The following LRRC4C variants were observed in gnomAD, a reference collection of about 807,000 sequenced individuals.
The protein encoded by LRRC4C is leucine-rich repeat-containing protein 4C.
A neutral mutation model predicts 33.6 loss-of-function variants in LRRC4C; 5 were observed. The ratio of observed to expected loss-of-function variants is 0.15; its 90% CI spans 0.08 to 0.31. The LOEUF is 0.31. Among genes scored for constraint, LRRC4C ranks in the 10% least tolerant of loss-of-function variants. The pLI, the probability that LRRC4C is intolerant of heterozygous loss-of-function variation, is 1.00. For missense variants in LRRC4C, 560 were observed against 796.7 expected, an observed-to-expected ratio of 0.70 and a Z score of 3.58; for synonymous variants, 329 against 302.0, an observed-to-expected ratio of 1.09 and a Z score of -0.93.
intron 2 of LRRC4C, among the ~76,000 whole-genome samples, chr11:40,660,453 G>A (rs1943376351): frequency 6.6e-6 from 1 of 152,210 alleles, no homozygotes; most frequent in Non-Finnish European, 1.5e-5. Context: ...TGTGACAAAA[G>A]TGCAGCCTTA....
rs541400332 is a variant in LRRC4C at position 40,623,956 on chromosome 11, A to T, written c.-270+24186T>A. ...AATAATTTCATGAAATAAAAAATTCATTTAATTTTATTTTCAAAAATCTGC... is the reference window on the plus strand; with the variant it reads ...AATAATTTCATGAAATAAAAAATTCTTTTAATTTTATTTTCAAAAATCTGC... On this transcript the variant is annotated intron_variant, in intron 3 of 6. Coordinates refer to ENST00000528697, the MANE Select transcript of LRRC4C (RefSeq NM_001258419.2). 1.2e-4 allele frequency among the ~76,000 whole-genome samples: 19 copies of T among 152,276 alleles called. No homozygotes were observed. In the East Asian group the frequency reaches 3.7e-3, roughly 29 times the overall value.
chr11:41,261,209 C>T (rs1050054819), intron 1 of LRRC4C, among the ~76,000 whole-genome samples: 1 of 152,078 alleles, frequency 6.6e-6, no homozygotes, highest in African/African-American at 2.4e-5. Context: ...ACTGCATTCA[C>T]CTTTTCCACC....
chr11:40,584,068 T>G (rs539882008), intron 3 of LRRC4C, among the ~76,000 whole-genome samples: 6 of 151,082 alleles, frequency 4.0e-5, no homozygotes, highest in African/African-American at 1.2e-4. Flanking sequence ...GATCACTTAT[T>G]AACACCTGCT....
At chr11:41,335,147 T>G (rs1204841407) in intron 1 of LRRC4C, among the ~76,000 whole-genome samples, 1 of 152,190 alleles carries the variant, frequency 6.6e-6, no homozygotes, top group Non-Finnish European at 1.5e-5. Context: ...TTTTGCCCCA[T>G]CACTTATTGA....
intron 3 of LRRC4C, among the ~76,000 whole-genome samples, chr11:40,485,548 C>A (rs549818150): frequency 1.3e-5 from 2 of 151,872 alleles, no homozygotes; most frequent in East Asian, 3.9e-4. Flanking sequence ...GCTAAAACCA[C>A]CAAAAATGGC....
At chr11:40,767,143 T>G (rs1949512951) in intron 2 of LRRC4C, among the ~76,000 whole-genome samples, 1 of 152,060 alleles carries the variant, frequency 6.6e-6, no homozygotes, top group Non-Finnish European at 1.5e-5. Flanking sequence ...AAAAATATTT[T>G]ATGCAAATGG....
chr11:40,261,521 C>T (rs907513668), intron 4 of LRRC4C, among the ~76,000 whole-genome samples: 4 of 152,082 alleles, frequency 2.6e-5, no homozygotes, highest in African/African-American at 9.7e-5. Flanking sequence ...CTATTTTCAT[C>T]TTGCCTAACC....
At chr11:41,316,808 C>CT (rs1202798901) in intron 1 of LRRC4C, among the ~76,000 whole-genome samples, 1 of 152,222 alleles carries the variant, frequency 6.6e-6, no homozygotes. Context: ...CCACCACTCT[C>CT]TTTTTCCCCG....
In LRRC4C at chr11:41,273,787, T is replaced by C. The variant is rs1476976562; in HGVS notation, c.-496+185644A>G. The stretch of plus-strand genomic sequence containing the variant: ...CAAAACATAAGGAAATTTTTGGATG[T>C]GATGGATATGTTCAGTACCTTAATT... On this transcript the variant is annotated intron_variant, in intron 1 of 6. Coordinates refer to ENST00000528697, the MANE Select transcript of LRRC4C (RefSeq NM_001258419.2). Among the ~76,000 whole-genome samples, 6 of 152,222 alleles carry C rather than the reference T, an allele frequency of 3.9e-5. No homozygotes were observed. In the East Asian group the frequency reaches 1.2e-3, roughly 29 times the overall value.
chr11:40,612,265 C>G (rs4282968), intron 3 of LRRC4C, among the ~76,000 whole-genome samples: 273 of 151,846 alleles, frequency 1.8e-3, no homozygotes, highest in African/African-American at 6.4e-3. Flanking sequence ...GAAGACATTA[C>G]GCAAATTGAA....
chr11:41,311,881 A>T (rs1458012980), intron 1 of LRRC4C, among the ~76,000 whole-genome samples: 3 of 152,188 alleles, frequency 2.0e-5, no homozygotes, highest in Non-Finnish European at 4.4e-5. Context: ...TGTGACAATC[A>T]GTGGAAGTAG....
chr11:41,006,702 A>G (rs1854777696), intron 1 of LRRC4C, among the ~76,000 whole-genome samples: 1 of 152,192 alleles, frequency 6.6e-6, no homozygotes, highest in South Asian at 2.1e-4. Context: ...AGAAGGGGGA[A>G]AAGTAGAAAG....
chr11:41,178,870 T>C (rs1224863660), intron 1 of LRRC4C, among the ~76,000 whole-genome samples: 5 of 152,112 alleles, frequency 3.3e-5, no homozygotes, highest in Admixed American at 6.5e-5. Flanking sequence ...GCCCAGCTAA[T>C]TTTTGCATTT....
At chr11:41,255,548 T>C (rs1306280299) in intron 1 of LRRC4C, among the ~76,000 whole-genome samples, 1 of 151,986 alleles carries the variant, frequency 6.6e-6, no homozygotes, top group Admixed American at 6.6e-5. Context: ...TCTTTTTCTG[T>C]ATTCATTTTT....
At chr11:41,334,575 G>C (rs1951392937) in intron 1 of LRRC4C, among the ~76,000 whole-genome samples, 1 of 152,082 alleles carries the variant, frequency 6.6e-6, no homozygotes, top group East Asian at 1.9e-4. Context: ...GCTCATGCTT[G>C]TCATTCAGGC....
chr11:40,782,200 G>A (rs537276762), intron 2 of LRRC4C, among the ~76,000 whole-genome samples: 150 of 151,844 alleles, frequency 9.9e-4, no homozygotes, highest in African/African-American at 3.3e-3. Context: ...TTATGTTTTC[G>A]GCATATATAC....
intron 5 of LRRC4C, among the ~76,000 whole-genome samples, chr11:40,182,284 C>T (rs1228376112): frequency 3.3e-5 from 5 of 152,062 alleles, no homozygotes; most frequent in Admixed American, 1.3e-4. Flanking sequence ...TCTTTCTCTC[C>T]TCCCCACTGC....
At chr11:40,829,308 A>G (rs989656684) in intron 2 of LRRC4C, among the ~76,000 whole-genome samples, 2 of 152,032 alleles carry the variant, frequency 1.3e-5, no homozygotes, top group Non-Finnish European at 2.9e-5. Flanking sequence ...ATATTGAAAC[A>G]GTATGGACAC....
At chr11:40,222,123 G>T (rs1054301640) in intron 5 of LRRC4C, among the ~76,000 whole-genome samples, 2 of 151,978 alleles carry the variant, frequency 1.3e-5, no homozygotes, top group African/African-American at 4.8e-5. Context: ...CACAACTGTT[G>T]TAACTCCATT....
Sources: allele counts gnomAD v4.1 joint callset (sites outside exome capture counted in the v4.1 genomes callset), GRCh38; gene constraint gnomAD v4.1.1; transcripts MANE v1.5; gene names NCBI Gene and HGNC (gene_info 2026-07-23, HGNC 2026-07-21).